MLKL: variants seen among roughly 807,000 people sequenced by gnomAD.
MLKL encodes the protein mixed lineage kinase domain-like protein.
Under a neutral mutation model 56.5 loss-of-function variants are expected in MLKL, and 55 were observed. The ratio of observed to expected loss-of-function variants is 0.97; its 90% CI spans 0.78 to 1.22. The LOEUF (loss-of-function observed/expected upper bound fraction) is 1.22. MLKL is among the 50% of genes most tolerant of loss of function. The pLI, the probability that MLKL is intolerant of heterozygous loss-of-function variation, is 0.00. For synonymous variants in MLKL, 251 were observed against 208.3 expected (o/e 1.20, Z -1.76); for missense variants, 694 against 573.9 (o/e 1.21, Z -2.14).
chr16:74,682,887 T>G, intron 5 of MLKL, 101 bp from the exon 6 acceptor site: 1 of 1,377,970 alleles, frequency 7.3e-7, no homozygotes, highest in Non-Finnish European at 9.9e-7. Context: ...CAGACTTGGC[T>G]CTGCTGAGTC....
intron 10 of MLKL, among the ~76,000 whole-genome samples, chr16:74,674,700 C>T (rs914724199): frequency 6.6e-5 from 10 of 152,118 alleles, no homozygotes; most frequent in Non-Finnish European, 1.0e-4. Context: ...ATCTCAGCCT[C>T]CCAAAGGGCT....
rs532091196 is a variant in MLKL, at chr16:74,684,584, TC to T, written c.820+901del. Among the ~76,000 whole-genome samples the T allele has an allele frequency of 6.5e-3, 988 of 151,506 alleles. 6 individuals are homozygous for T. Among genetic ancestry groups the T allele is most frequent in the Non-Finnish European group, 0.011 (747 of 67,860 alleles). ...ATCTCGGCTCACTGCAAACTCCGCC[TC>T]CCAGGTTCAAGCAATTCTCCTGCCT... is the stretch of plus-strand genomic sequence containing the variant. On this transcript the variant is annotated intron_variant, in intron 5 of 10. Coordinates refer to ENST00000308807, the MANE Select transcript of MLKL (RefSeq NM_152649.4).
At position 74,691,224 on chromosome 16, in the gene MLKL, GAGAGTT is replaced by G. The variant is rs1960651306; in HGVS notation, c.722+47_722+52del. ...TGGAGACGATATCCCTCTCTCCTTG[GAGAGTT>G]AGAGTAAGTATTGGTACACACGAGA... On this transcript the variant is annotated intron_variant, in intron 4 of 10. Transcript: ENST00000308807. 1.4e-5 allele frequency: 21 copies of G among 1,499,460 alleles called. No homozygotes were observed. The South Asian group carries it at 2.7e-4, about 20-fold the overall frequency. The allele number at this position is 1,499,460 out of a possible 1,614,324, so 92.9% of individuals were successfully genotyped here. A position where few individuals can be genotyped will look rare whatever the true frequency, so the allele number is the denominator to read the frequency against.
At chr16:74,680,797 G>A (rs946174143) in intron 6 of MLKL, among the ~76,000 whole-genome samples, 3 of 152,128 alleles carry the variant, frequency 2.0e-5, no homozygotes, top group Admixed American at 6.5e-5. Context: ...GAGCTACTGC[G>A]CCCAGCCTTG....
chr16:74,698,395 A>G (rs1009302556), intron 1 of MLKL, among the ~76,000 whole-genome samples: 1 of 152,232 alleles, frequency 6.6e-6, no homozygotes, highest in Non-Finnish European at 1.5e-5. Context: ...AGGCACTGGC[A>G]GAAGTGAAAC....
Position 74,682,667 on chromosome 16 carries a change from C to T in MLKL, c.940G>A (p.Ala314Thr). ...CCGTCTTACCGGTATAGGCCTCGGG[C>T]TGCCCCCAGGACTAGGACCATGCGC... is the stretch of plus-strand genomic sequence containing the variant. ...GKRMVLVLGA[A>T]RGLYRLHHSE... Residue 314 changes from alanine to threonine, a missense_variant, in exon 6 of 11, where the codon GCC (alanine) becomes ACC (threonine). Physicochemically the swap from Ala to Thr is moderately conservative, Grantham distance 58. Transcript: ENST00000308807. 13 of 1,614,126 alleles carry T rather than the reference C, an allele frequency of 8.1e-6. No individual in the cohort carries two copies. The highest frequency in any genetic ancestry group is 1.1e-5 in the Non-Finnish European group (13 of 1,180,036).
At chr16:74,697,005 A>ATTACATATATAGTAATACATATATG (rs1961086906) in intron 1 of MLKL, among the ~76,000 whole-genome samples, 3 of 143,324 alleles carry the variant, frequency 2.1e-5, no homozygotes, top group Non-Finnish European at 4.5e-5. Flanking sequence ...ATACATATAT[A>ATTACATATATAGTAATACATATATG]TAATATTACA....
intron 10 of MLKL, among the ~76,000 whole-genome samples, chr16:74,674,133 G>C (rs116934967): frequency 6.6e-6 from 1 of 150,716 alleles, no homozygotes; most frequent in Non-Finnish European, 1.5e-5. Context: ...TGTCCTATGC[G>C]TTGTAGGATG....
chr16:74,674,826 G>T, intron 10 of MLKL, 134 bp downstream of exon 10: 1 of 1,073,934 alleles, frequency 9.3e-7, no homozygotes. Flanking sequence ...CAATGTTTCA[G>T]ACATCACTAA....
rs1295685416 is a variant in MLKL, at chr16:74,674,961, A to T, written c.1380T>A (p.Asp460Glu). ...TCTTTACACCAGAAAGAACCCTACC[A>T]TCCACAGAGGGCCGCACAGAGGGAT... ...AHDPSVRPSV[D>E]EILKKLSTFS... Residue 460 changes from aspartate to glutamate, a missense_variant and splice_region_variant, in exon 10 of 11, where the codon GAT becomes GAA. Coordinates refer to ENST00000308807, the MANE Select transcript of MLKL (RefSeq NM_152649.4). The T allele has an allele frequency of 1.2e-6, 2 of 1,613,250 alleles. No individual in the cohort carries two copies. The highest frequency in any genetic ancestry group is 1.7e-6 in the Non-Finnish European group (2 of 1,179,806).
chr16:74,691,235 T>A, intron 4 of MLKL, 42 bp downstream of exon 4: 1 of 1,523,504 alleles, frequency 6.6e-7, no homozygotes, highest in Non-Finnish European at 8.9e-7. Flanking sequence ...AGAGTTAGAG[T>A]AAGTATTGGT....
chr16:74,693,464 A>G (rs1176970958), intron 2 of MLKL, among the ~76,000 whole-genome samples: 3 of 99,312 alleles, frequency 3.0e-5, no homozygotes, highest in Admixed American at 2.0e-4. Flanking sequence ...AAAAAAAAAA[A>G]AAAAGAAAAG....
intron 4 of MLKL, among the ~76,000 whole-genome samples, chr16:74,689,695 T>C (rs1214439883): frequency 6.6e-6 from 1 of 152,018 alleles, no homozygotes; most frequent in Non-Finnish European, 1.5e-5. Flanking sequence ...AACAGACAAA[T>C]TGATCAGTGG....
At chr16:74,683,713 T>A (rs1312963278) in intron 5 of MLKL, among the ~76,000 whole-genome samples, 1 of 152,168 alleles carries the variant, frequency 6.6e-6, no homozygotes, top group Non-Finnish European at 1.5e-5. Context: ...CTCAACTGGA[T>A]TCCCAAGAAG....
Position 74,695,476 on chromosome 16 carries a change from G to A in MLKL, c.282C>T (p.Asp94=). The change falls in exon 2 of 11, where the codon GAC becomes GAT. Residue 94 remains aspartate, a synonymous_variant. Coordinates refer to ENST00000308807, the MANE Select transcript of MLKL (RefSeq NM_152649.4). ...NICRFLTASQ[D]KILFKDVNRK... ...TGTTCACGTCCTTGAAGAGTATTTT[G>A]TCCTGGCTTGCTGTTAGAAACCTGC... 2 of 1,614,154 alleles carry A rather than the reference G, an allele frequency of 1.2e-6. No individual in the cohort carries two copies. The highest frequency in any genetic ancestry group is 1.7e-6 in the Non-Finnish European group (2 of 1,180,048).
intron 6 of MLKL, among the ~76,000 whole-genome samples, chr16:74,681,261 A>G (rs893601304): frequency 1.3e-5 from 2 of 151,632 alleles, no homozygotes; most frequent in African/African-American, 4.8e-5. Context: ...CCTGACCTCA[A>G]GTGATCCACC....
At position 74,695,276 on chromosome 16, in the gene MLKL, C is replaced by A. The variant is rs200159944; in HGVS notation, c.460+22G>T. The A allele has an allele frequency of 9.0e-4, 1,443 of 1,608,290 alleles. 14 individuals are homozygous for A. The highest frequency in any genetic ancestry group is 6.4e-3 in the South Asian group (582 of 90,926). ...AAATGCATTCAACTGCACTCCCACT[C>A]CCCACCAAAGACCCAGCTTGCCTCT... On this transcript the variant is annotated intron_variant, in intron 2 of 10. Transcript: ENST00000308807.
Position 74,695,659 on chromosome 16 carries a change from G to A in MLKL, c.99C>T (p.His33=). Residue 33 remains histidine (H), a synonymous_variant, in exon 2 of 11, where the codon CAC becomes CAT. Coordinates refer to ENST00000308807, the MANE Select transcript of MLKL (RefSeq NM_152649.4). Reference sequence around the variant, plus strand: ...GAGGCTTGATCAGGCCGAGGACGCGGTGGCCCAGGCGCCGGCACTGTTTCT... The same window carrying A: ...GAGGCTTGATCAGGCCGAGGACGCGATGGCCCAGGCGCCGGCACTGTTTCT... ...YCKKQCRRLG[H]RVLGLIKPLE... The A allele has an allele frequency of 1.2e-6, 2 of 1,614,154 alleles. No homozygotes were observed. The highest frequency in any genetic ancestry group is 8.5e-7 in the Non-Finnish European group (1 of 1,180,042).
chr16:74,678,185 C>T (rs1339689171), intron 7 of MLKL: 1 of 152,328 alleles, frequency 6.6e-6, no homozygotes, highest in Non-Finnish European at 1.5e-5. Context: ...GAGGACTCAC[C>T]CTGGAGGGAA....
Sources: allele counts gnomAD v4.1 joint callset (sites outside exome capture counted in the v4.1 genomes callset), GRCh38; gene constraint gnomAD v4.1.1; transcripts MANE v1.5; gene names NCBI Gene and HGNC (gene_info 2026-07-23, HGNC 2026-07-21).